The following MAP3K7 variants were observed in gnomAD, a reference collection of about 807,000 sequenced individuals.
MAP3K7 encodes mitogen-activated protein kinase kinase kinase 7, also known as TGF-beta activated kinase 1.
A neutral mutation model predicts 84.8 loss-of-function variants in MAP3K7; 21 were observed. That is an observed-to-expected ratio of 0.25 (90% CI 0.18 to 0.36). The LOEUF is 0.36. MAP3K7 is among the 10% of genes least tolerant of loss of function. The probability of loss-of-function intolerance (pLI) is 1.00; values close to 1 mark genes in which losing one functional copy is unlikely to be tolerated. For synonymous variants in MAP3K7, 241 were observed against 247.7 expected (o/e 0.97, Z 0.25); for missense variants, 503 against 747.7 (o/e 0.67, Z 3.82).
rs1174061530 is a variant in MAP3K7 at position 90,544,562 on chromosome 6, G to A, written c.1281C>T (p.Ile427=). The change falls in exon 12 of 17, where the codon ATC becomes ATT. Residue 427 remains isoleucine, a synonymous_variant. Transcript: ENST00000369329. Reference sequence around the variant, plus strand: ...GGTGGTCTATGATACCTGATATGACGATCTCAGGGACATCCAGAATGTTGC... The same window carrying A: ...GGTGGTCTATGATACCTGATATGACAATCTCAGGGACATCCAGAATGTTGC... The part of the protein sequence containing the change: ...SFGNILDVPE[I]VISGNGQPRR... 8.7e-6 allele frequency: 14 copies of A among 1,612,102 alleles called. No individual in the cohort carries two copies. The highest frequency in any genetic ancestry group is 3.3e-5 in the Admixed American group (2 of 59,844).
chr6:90,548,805 G>A (rs181762528), intron 9 of MAP3K7, among the ~76,000 whole-genome samples: 7 of 150,564 alleles, frequency 4.6e-5, no homozygotes, highest in Admixed American at 3.3e-4. Context: ...ATGGTATCTC[G>A]GAGGCCAACT....
intron 6 of MAP3K7, among the ~76,000 whole-genome samples, chr6:90,554,667 G>A (rs974214398): frequency 6.6e-6 from 1 of 151,972 alleles, no homozygotes; most frequent in Admixed American, 6.6e-5. Context: ...GACAATTAAG[G>A]GTTGTCTAGA....
At chr6:90,519,549 T>C (rs1001896633) in intron 14 of MAP3K7, among the ~76,000 whole-genome samples, 1 of 152,020 alleles carries the variant, frequency 6.6e-6, no homozygotes, top group African/African-American at 2.4e-5. Flanking sequence ...TAATTTAAGT[T>C]GGCTATAAAC....
At chr6:90,578,742 T>C (rs1777169107) in intron 1 of MAP3K7, among the ~76,000 whole-genome samples, 1 of 152,176 alleles carries the variant, frequency 6.6e-6, no homozygotes, top group Admixed American at 6.5e-5. Context: ...GAAGTCTGAA[T>C]GGGAATTAGA....
intron 12 of MAP3K7, among the ~76,000 whole-genome samples, chr6:90,540,398 C>G (rs778656893): frequency 2.0e-5 from 3 of 151,784 alleles, no homozygotes; most frequent in Non-Finnish European, 2.9e-5. Context: ...ATAATCTAAT[C>G]TGAACTAAGA....
chr6:90,548,780 G>C (rs1445841550), intron 9 of MAP3K7, among the ~76,000 whole-genome samples: 1 of 150,138 alleles, frequency 6.7e-6, no homozygotes, highest in African/African-American at 2.5e-5. Context: ...GATGTAAGAT[G>C]GAATCTAGGC....
intron 3 of MAP3K7, among the ~76,000 whole-genome samples, chr6:90,567,155 A>G (rs1776735661): frequency 6.6e-6 from 1 of 152,236 alleles, no homozygotes; most frequent in African/African-American, 2.4e-5. Context: ...AGGCATGGGC[A>G]AGGACTTCAG....
At chr6:90,540,201 G>A (rs902213432) in intron 12 of MAP3K7, among the ~76,000 whole-genome samples, 1 of 151,774 alleles carries the variant, frequency 6.6e-6, no homozygotes, top group African/African-American at 2.4e-5. Context: ...AGAACAGTAT[G>A]TAAGACAGAA....
Position 90,548,032 on chromosome 6 carries a change from AATAAC to A in MAP3K7, c.1080+10_1080+14del, listed in dbSNP as rs763922936. 2 of 1,603,386 alleles carry A rather than the reference AATAAC, an allele frequency of 1.2e-6. No homozygotes were observed. The highest frequency in any genetic ancestry group is 2.7e-5 in the African/African-American group (2 of 74,508). On this transcript the variant is annotated intron_variant, in intron 10 of 16. Coordinates refer to ENST00000369329, the MANE Select transcript of MAP3K7 (RefSeq NM_145331.3). ...TGGTAAGGTTACCAGTTTTACTTGT[AATAAC>A]ATAACAAACCTGTTGCTTTGCCTGA...
At chr6:90,533,373 G>C (rs143604676) in intron 13 of MAP3K7, among the ~76,000 whole-genome samples, 1,645 of 152,216 alleles carry the variant, frequency 0.011, 33 homozygotes, top group African/African-American at 0.038. Flanking sequence ...GCTTACCATG[G>C]GGCAGCATGG....
chr6:90,523,717 G>A lies in MAP3K7; in HGVS notation c.1423C>T (p.Pro475Ser). 6.2e-7 allele frequency: 1 copy of A among 1,613,446 alleles called. No individual in the cohort carries two copies. The highest frequency in any genetic ancestry group is 8.5e-7 in the Non-Finnish European group (1 of 1,179,566). Reference sequence around the variant, plus strand: ...GGGGTCCATGGATGACTTCGAGTTGGCTTTTCTGAGGTTGGTCCTGAGGTA... The same window carrying A: ...GGGGTCCATGGATGACTTCGAGTTGACTTTTCTGAGGTTGGTCCTGAGGTA... ...ITTSGPTSEK[P>S]TRSHPWTPDD... The change falls in exon 14 of 17, where the codon CCA becomes TCA. Residue 475 changes from proline to serine, a missense_variant. Transcript: ENST00000369329.
chr6:90,565,358 C>T (rs527257745), intron 3 of MAP3K7, among the ~76,000 whole-genome samples: 42 of 152,000 alleles, frequency 2.8e-4, no homozygotes, highest in Middle Eastern at 3.4e-3. Context: ...CAAATAGACA[C>T]GATAAAAAAT....
chr6:90,568,510 C>A (rs2127983623), intron 3 of MAP3K7, 48 bp downstream of exon 3: 1 of 1,481,388 alleles, frequency 6.8e-7, no homozygotes, highest in Non-Finnish European at 9.2e-7. Flanking sequence ...ACACACACAT[C>A]TGCCATGTCA....
At chr6:90,553,870 T>C (rs1776255745) in intron 6 of MAP3K7, among the ~76,000 whole-genome samples, 1 of 152,204 alleles carries the variant, frequency 6.6e-6, no homozygotes, top group Non-Finnish European at 1.5e-5. Flanking sequence ...GGACTTGACT[T>C]TTATGTATTT....
intron 13 of MAP3K7, among the ~76,000 whole-genome samples, chr6:90,536,025 TA>T (rs1340238505): frequency 1.3e-5 from 2 of 152,186 alleles, no homozygotes; most frequent in Non-Finnish European, 2.9e-5. Flanking sequence ...ACTTTAATGA[TA>T]AATTGTTAAA....
At chr6:90,525,452 G>A (rs1283029587) in intron 13 of MAP3K7, among the ~76,000 whole-genome samples, 1 of 152,056 alleles carries the variant, frequency 6.6e-6, no homozygotes, top group Non-Finnish European at 1.5e-5. Flanking sequence ...GTCTCCCTAA[G>A]TGCTGGGATT....
intron 5 of MAP3K7, among the ~76,000 whole-genome samples, chr6:90,558,303 C>T (rs1244342913): frequency 1.3e-5 from 2 of 151,814 alleles, no homozygotes; most frequent in South Asian, 2.1e-4. Context: ...GCCTGGGCGA[C>T]AGAGCGAGAC....
At chr6:90,563,138 A>G (rs1294215082) in intron 3 of MAP3K7, among the ~76,000 whole-genome samples, 2 of 152,230 alleles carry the variant, frequency 1.3e-5, no homozygotes, top group East Asian at 3.8e-4. Flanking sequence ...CAGAGCAGAA[A>G]AGCTGAAAAT....
At chr6:90,534,305 T>C (rs940466741) in intron 13 of MAP3K7, among the ~76,000 whole-genome samples, 4 of 152,190 alleles carry the variant, frequency 2.6e-5, no homozygotes, top group Non-Finnish European at 4.4e-5. Context: ...TTATCATACA[T>C]TTTTTGGGAG....
Sources: allele counts gnomAD v4.1 joint callset (sites outside exome capture counted in the v4.1 genomes callset), GRCh38; gene constraint gnomAD v4.1.1; transcripts MANE v1.5; gene names NCBI Gene and HGNC (gene_info 2026-07-23, HGNC 2026-07-21).